The following TANC1 variants were observed in gnomAD, a reference collection of about 807,000 sequenced individuals.
The protein encoded by TANC1 is protein TANC1.
TANC1 carries 77 observed loss-of-function variants against 149.7 expected under a neutral mutation model. The observed-to-expected ratio is 0.51, with a 90% confidence interval of 0.43 to 0.62. The LOEUF (loss-of-function observed/expected upper bound fraction) is 0.62, where lower values mean the gene tolerates loss of function less well. Ranked by LOEUF, TANC1 falls within the 20% of genes least tolerant of loss-of-function variation. The pLI is 0.00. For synonymous variants in TANC1, 854 were observed against 925.0 expected (o/e 0.92, Z 1.39); for missense variants, 1,985 against 2,321.8 (o/e 0.85, Z 2.98).
intron 3 of TANC1, among the ~76,000 whole-genome samples, chr2:159,093,485 G>A (rs756525397): frequency 6.6e-6 from 1 of 152,176 alleles, no homozygotes; most frequent in Non-Finnish European, 1.5e-5. Context: ...GCATCATCGT[G>A]ATGCTTTCTT....
chr2:159,167,330 G>C lies in TANC1; in HGVS notation c.947-1920G>C, dbSNP rs2150436642. The stretch of plus-strand genomic sequence containing the variant: ...GAAGGGTCTCAGTGCTCAGGCAGGA[G>C]CCTAGAAAATGTTCCAAGCTGTGTT... On this transcript the variant is annotated intron_variant, in intron 8 of 26. Coordinates refer to ENST00000263635, the MANE Select transcript of TANC1 (RefSeq NM_033394.3). 1.3e-5 allele frequency among the ~76,000 whole-genome samples: 2 copies of C among 152,300 alleles called. 1 individual carries two copies. Among genetic ancestry groups the C allele is most frequent in the South Asian group, 4.1e-4 (2 of 4,826 alleles).
In TANC1 at chr2:159,227,884, A is replaced by C; in HGVS notation, c.3969A>C (p.Gly1323=). The C allele has an allele frequency of 6.2e-7, 1 of 1,614,164 alleles. No individual in the cohort carries two copies. The highest frequency in any genetic ancestry group is 1.1e-5 in the South Asian group (1 of 91,078). ...QYALRKFPRE[G]FGEDMRPFNE... is the part of the protein sequence containing the mutation. Reference sequence around the variant, plus strand: ...CCTTAAGAAAGTTTCCTCGAGAAGGATTCGGAGAGGACATGAGACCCTTCA... The same window carrying C: ...CCTTAAGAAAGTTTCCTCGAGAAGGCTTCGGAGAGGACATGAGACCCTTCA... Residue 1323 remains glycine (G), a synonymous_variant, in exon 25 of 27, where the codon GGA becomes GGC. Transcript: ENST00000263635.
At chr2:159,194,566 C>G in intron 17 of TANC1, 73 bp downstream of exon 17, 1 of 1,275,630 alleles carries the variant, frequency 7.8e-7, no homozygotes, top group Non-Finnish European at 1.1e-6. Flanking sequence ...TTGTTATTTG[C>G]TGGGCCAGAC....
In TANC1 at chr2:159,124,865, G is replaced by A. The variant is rs373922097; in HGVS notation, c.260-11329G>A. ...CCCGCCTCAGCTCTCCCCACCCCCCGCCCTCCTCACCAAGTACAGGCACGC... is the reference window on the plus strand; with the variant it reads ...CCCGCCTCAGCTCTCCCCACCCCCCACCCTCCTCACCAAGTACAGGCACGC... On this transcript the variant is annotated intron_variant, in intron 4 of 26. Coordinates refer to ENST00000263635, the MANE Select transcript of TANC1 (RefSeq NM_033394.3). Among the ~76,000 whole-genome samples the A allele has an allele frequency of 6.8e-5, 7 of 102,970 alleles. No homozygotes were observed. In the South Asian group the frequency reaches 9.2e-4, roughly 14 times the overall value. 67.6% of individuals were successfully genotyped at this position (102,970 alleles called of 152,430 possible). A position where few individuals can be genotyped will look rare whatever the true frequency, so the allele number is the denominator to read the frequency against.
chr2:159,199,449 C>T (rs758039108), intron 19 of TANC1, among the ~76,000 whole-genome samples: 13 of 152,166 alleles, frequency 8.5e-5, no homozygotes, highest in African/African-American at 1.7e-4. Flanking sequence ...GAATCAAAGG[C>T]GGCTCAGCAC....
intron 22 of TANC1, among the ~76,000 whole-genome samples, chr2:159,223,559 C>A (rs1361856286): frequency 6.6e-6 from 1 of 152,216 alleles, no homozygotes; most frequent in Non-Finnish European, 1.5e-5. Context: ...AAAATAGCCA[C>A]AGGCTAAAAA....
chr2:159,185,733 G>C (rs1453729380), intron 14 of TANC1, 58 bp from the exon 15 acceptor site: 6 of 1,186,286 alleles, frequency 5.1e-6, no homozygotes, highest in Non-Finnish European at 7.4e-6. Flanking sequence ...TTGAGGGTGG[G>C]TCTGCGGTGT....
chr2:159,078,828 T>A (rs1228892858), intron 3 of TANC1, among the ~76,000 whole-genome samples: 1 of 152,220 alleles, frequency 6.6e-6, no homozygotes, highest in African/African-American at 2.4e-5. Flanking sequence ...CAGTTTTCTT[T>A]GAATAATTTT....
chr2:159,123,715 A>C (rs1191677423), intron 4 of TANC1, among the ~76,000 whole-genome samples: 1 of 152,178 alleles, frequency 6.6e-6, no homozygotes, highest in Non-Finnish European at 1.5e-5. Flanking sequence ...TTCTTATTGA[A>C]ATATATATTT....
intron 4 of TANC1, among the ~76,000 whole-genome samples, chr2:159,105,381 A>G (rs1273190548): frequency 1.3e-5 from 2 of 152,220 alleles, no homozygotes; most frequent in African/African-American, 4.8e-5. Context: ...TGAAATACAT[A>G]TAACAAAATT....
chr2:159,152,770 C>T (rs1001266453), intron 7 of TANC1, among the ~76,000 whole-genome samples: 1 of 152,198 alleles, frequency 6.6e-6, no homozygotes, highest in South Asian at 2.1e-4. Flanking sequence ...AGGCATGAGC[C>T]GCTGTGCCCG....
At chr2:159,178,474 A>G in intron 13 of TANC1, 82 bp from the exon 14 acceptor site, 1 of 1,467,826 alleles carries the variant, frequency 6.8e-7, no homozygotes, top group Non-Finnish European at 9.1e-7. Flanking sequence ...AAACAAAACT[A>G]GTGAATCTGG....
chr2:159,146,908 G>A (rs754112485), intron 5 of TANC1, among the ~76,000 whole-genome samples: 1 of 151,352 alleles, frequency 6.6e-6, no homozygotes, highest in Non-Finnish European at 1.5e-5. Flanking sequence ...ATCTGAAATG[G>A]GTTGGATGGT....
intron 19 of TANC1, among the ~76,000 whole-genome samples, chr2:159,215,772 T>C (rs1483864083): frequency 6.6e-6 from 1 of 152,196 alleles, no homozygotes; most frequent in Non-Finnish European, 1.5e-5. Context: ...TGTGTTTTCT[T>C]TTGGGTTTGG....
chr2:159,110,291 T>A (rs2047597331), intron 4 of TANC1, among the ~76,000 whole-genome samples: 1 of 152,164 alleles, frequency 6.6e-6, no homozygotes, highest in African/African-American at 2.4e-5. Context: ...TATACAGGGT[T>A]CAGTACTATC....
chr2:158,970,292 C>T (rs2032661712), intron 1 of TANC1, among the ~76,000 whole-genome samples: 1 of 152,104 alleles, frequency 6.6e-6, no homozygotes. Context: ...CATCTTTATT[C>T]CTGCCAGGCT....
chr2:159,105,427 T>C (rs1385268914), intron 4 of TANC1, among the ~76,000 whole-genome samples: 2 of 152,224 alleles, frequency 1.3e-5, no homozygotes, highest in Non-Finnish European at 1.5e-5. Context: ...AGTTCAGTGG[T>C]AATTACACTC....
At chr2:159,120,466 G>A (rs574308614) in intron 4 of TANC1, among the ~76,000 whole-genome samples, 1 of 152,108 alleles carries the variant, frequency 6.6e-6, no homozygotes, top group South Asian at 2.1e-4. Context: ...TTTTGATGTT[G>A]AGAGAAGCAT....
At chr2:159,057,980 A>G (rs1416309281) in intron 2 of TANC1, among the ~76,000 whole-genome samples, 2 of 152,138 alleles carry the variant, frequency 1.3e-5, no homozygotes, top group Non-Finnish European at 2.9e-5. Flanking sequence ...GTAGGGAGGT[A>G]AGTCTCAGCT....
Sources: allele counts gnomAD v4.1 joint callset (sites outside exome capture counted in the v4.1 genomes callset), GRCh38; gene constraint gnomAD v4.1.1; transcripts MANE v1.5; gene names NCBI Gene and HGNC (gene_info 2026-07-23, HGNC 2026-07-21).